PPFIA1: variants seen among roughly 807,000 people sequenced by gnomAD.
PPFIA1 encodes liprin-alpha-1.
Under a neutral mutation model 149.9 loss-of-function variants are expected in PPFIA1, and 25 were observed. The observed-to-expected ratio is 0.17, with a 90% CI of 0.12 to 0.23. The LOEUF (loss-of-function observed/expected upper bound fraction) is 0.23. Ranked by LOEUF, PPFIA1 falls within the 10% of genes least tolerant of loss-of-function variation. PPFIA1 has a pLI of 1.00. For missense variants in PPFIA1, 1,362 were observed against 1,506.5 expected, an observed-to-expected ratio of 0.90 and a Z score of 1.59; for synonymous variants, 549 against 552.8, an observed-to-expected ratio of 0.99 and a Z score of 0.10.
chr11:70,337,607 T>C (rs1591266478), intron 12 of PPFIA1, among the ~76,000 whole-genome samples, 180 bp downstream of exon 12: 1 of 152,182 alleles, frequency 6.6e-6, no homozygotes, highest in Non-Finnish European at 1.5e-5. Flanking sequence ...TCAGGTGATT[T>C]TGAGTCTGGC....
intron 26 of PPFIA1, among the ~76,000 whole-genome samples, chr11:70,379,375 T>C (rs912285771): frequency 2.0e-5 from 3 of 152,044 alleles, no homozygotes; most frequent in African/African-American, 4.8e-5. Context: ...CAAGAATCAT[T>C]TGGACCTGGG....
intron 6 of PPFIA1, 52 bp downstream of exon 6, chr11:70,326,415 A>G: frequency 6.7e-7 from 1 of 1,484,412 alleles, no homozygotes; most frequent in Non-Finnish European, 9.3e-7. Context: ...TGTTCACAGT[A>G]TGTGTCGGGT....
intron 2 of PPFIA1, among the ~76,000 whole-genome samples, chr11:70,287,474 T>C (rs1220254588): frequency 1.3e-5 from 2 of 151,990 alleles, no homozygotes; most frequent in Admixed American, 6.6e-5. Flanking sequence ...CATATTCTGA[T>C]GCAGTGGTTT....
rs751244823 is a variant in PPFIA1, at chr11:70,382,069, C to T, written c.3551-19C>T. 1.2e-6 allele frequency: 2 copies of T among 1,613,494 alleles called. No homozygotes were observed. The highest frequency in any genetic ancestry group is 1.7e-6 in the Non-Finnish European group (2 of 1,179,622). On this transcript the variant is annotated intron_variant, in intron 26 of 27. Coordinates refer to ENST00000253925, the MANE Select transcript of PPFIA1 (RefSeq NM_003626.5). The stretch of plus-strand genomic sequence containing the variant: ...TGCACGCTGTGTTTGCACGCTTCCT[C>T]TCGTGGCTGTTGAAACAGGCAATGT...
intron 2 of PPFIA1, among the ~76,000 whole-genome samples, chr11:70,305,927 C>T (rs2136426819): frequency 6.6e-6 from 1 of 152,282 alleles, no homozygotes; most frequent in South Asian, 2.1e-4. Flanking sequence ...GTATTTTAAT[C>T]TACCCCTTAT....
chr11:70,372,479 A>G lies in PPFIA1; in HGVS notation c.3044A>G (p.Asn1015Ser). ...CATCTCTCTTTTCTTCCAAATAGAAACAGTTTCCAGTGTGGAATTATGTGC... is the reference window on the plus strand; with the variant it reads ...CATCTCTCTTTTCTTCCAAATAGAAGCAGTTTCCAGTGTGGAATTATGTGC... The part of the protein sequence containing the change: ...QLKMVDSFHR[N>S]SFQCGIMCLR... The change falls in exon 23 of 28, where the codon AAC becomes AGC. Residue 1015 changes from asparagine to serine, a missense_variant and splice_region_variant. By Grantham distance (46) the Asn-to-Ser change is conservative (BLOSUM62 1). This residue lies in a region of PPFIA1 where 349 missense variants were observed against 373.3 expected (regional missense o/e 0.93). Transcript: ENST00000253925. 1 of 1,613,882 alleles carries G rather than the reference A, an allele frequency of 6.2e-7. No individual in the cohort carries two copies. Among genetic ancestry groups the G allele is most frequent in the Non-Finnish European group, 8.5e-7 (1 of 1,179,770 alleles).
intron 11 of PPFIA1, among the ~76,000 whole-genome samples, chr11:70,336,720 C>G (rs1296233895): frequency 6.6e-6 from 1 of 152,010 alleles, no homozygotes; most frequent in Admixed American, 6.6e-5. Context: ...AAGGGATATC[C>G]TAGAATCTGT....
At chr11:70,363,609 G>T (rs1276940221) in intron 21 of PPFIA1, among the ~76,000 whole-genome samples, 2 of 152,066 alleles carry the variant, frequency 1.3e-5, no homozygotes, top group African/African-American at 4.8e-5. Flanking sequence ...AACCTCTTGG[G>T]CTCAAGCGAT....
intron 2 of PPFIA1, among the ~76,000 whole-genome samples, chr11:70,299,834 G>A (rs1362414418): frequency 6.6e-6 from 1 of 152,142 alleles, no homozygotes; most frequent in South Asian, 2.1e-4. Context: ...TGTGGTCCAG[G>A]CTGTGCTTCT....
At position 70,382,094 on chromosome 11, in the gene PPFIA1, T is replaced by C. The variant is rs1265346914; in HGVS notation, c.3557T>C (p.Val1186Ala). The change falls in exon 27 of 28, where the codon GTA (valine) becomes GCA (alanine). Residue 1186 changes from valine to alanine, a missense_variant. Physicochemically the swap from Val to Ala is moderately conservative, Grantham distance 64. Around this residue, in one of 7 missense-constraint regions of PPFIA1, gnomAD observed 349 missense variants for 373.3 expected, o/e 0.93. Coordinates refer to ENST00000253925, the MANE Select transcript of PPFIA1 (RefSeq NM_003626.5). ...QPKKMQMDGN[V>A]SGTQRLDSAT... ...CTCGTGGCTGTTGAAACAGGCAATG[T>C]ATCAGGAACACAGAGGTTGGATTCT... 1 of 1,613,994 alleles carries C rather than the reference T, an allele frequency of 6.2e-7. No homozygotes were observed. Among genetic ancestry groups the C allele is most frequent in the African/African-American group, 1.3e-5 (1 of 74,932 alleles).
chr11:70,359,737 CACA>C (rs1565445413), intron 19 of PPFIA1, among the ~76,000 whole-genome samples: 2 of 152,100 alleles, frequency 1.3e-5, no homozygotes, highest in African/African-American at 4.8e-5. Context: ...TTATAAAATG[CACA>C]ACATTATTCA....
rs1036569431 is a variant in PPFIA1, at chr11:70,312,269, C to T, written c.265-12133C>T. On this transcript the variant is annotated intron_variant, in intron 2 of 27. Transcript: ENST00000253925. Reference sequence around the variant, plus strand: ...GCAGTAGTGTGATCATAGCTCACTGCAGCCTTGACTTCCTGGGCTCAAGTG... The same window carrying T: ...GCAGTAGTGTGATCATAGCTCACTGTAGCCTTGACTTCCTGGGCTCAAGTG... Among the ~76,000 whole-genome samples the T allele has an allele frequency of 2.6e-5, 4 of 151,920 alleles. No homozygotes were observed. In the East Asian group the frequency reaches 5.8e-4, roughly 22 times the overall value.
At chr11:70,320,857 A>G (rs760028298) in intron 2 of PPFIA1, among the ~76,000 whole-genome samples, 6 of 152,148 alleles carry the variant, frequency 3.9e-5, no homozygotes, top group Non-Finnish European at 8.8e-5. Context: ...AAGGCCTGGG[A>G]TGAGCCATGC....
chr11:70,358,405 T>TAG (rs2056460623), intron 19 of PPFIA1: 1 of 152,128 alleles, frequency 6.6e-6, no homozygotes, highest in Non-Finnish European at 1.5e-5. Flanking sequence ...GAATTTTTAG[T>TAG]AGAGATGGGG....
chr11:70,329,848 A>G (rs2054551032), intron 7 of PPFIA1: 1 of 236,302 alleles, frequency 4.2e-6, no homozygotes, highest in East Asian at 1.1e-4. Context: ...GGATCCCTTG[A>G]GCCTGGGAAG....
chr11:70,339,820 G>T (rs1344492671), intron 14 of PPFIA1, among the ~76,000 whole-genome samples: 1 of 152,112 alleles, frequency 6.6e-6, no homozygotes, highest in East Asian at 1.9e-4. Context: ...TTTGAGATCA[G>T]CCTGGTCAAC....
At chr11:70,374,030 G>A (rs1425211241) in intron 23 of PPFIA1, 1 of 152,302 alleles carries the variant, frequency 6.6e-6, no homozygotes, top group Non-Finnish European at 1.5e-5. Flanking sequence ...TATTTTTAGA[G>A]TGGCTATTTT....
rs1325359117 is a variant in PPFIA1, at chr11:70,332,084, C to T, written c.1202C>T (p.Ala401Val). The T allele has an allele frequency of 5.0e-6, 8 of 1,605,346 alleles. No individual in the cohort carries two copies. Among genetic ancestry groups the T allele is most frequent in the African/African-American group, 1.3e-5 (1 of 74,312 alleles). The change falls in exon 9 of 28, where the codon GCG becomes GTG. Residue 401 changes from alanine (A) to valine (V), a missense_variant. Physicochemically the swap from Ala to Val is moderately conservative, Grantham distance 64. Transcript: ENST00000253925. ...GCGGAGCTGGCCCAGAGGGTGGCAG[C>T]GCTTTCCAAGGTAGTGCCATGAGCT... ...VEAELAQRVA[A>V]LSKAEERHGN...
chr11:70,379,858 T>A (rs2057639784), intron 26 of PPFIA1, among the ~76,000 whole-genome samples: 1 of 152,212 alleles, frequency 6.6e-6, no homozygotes, highest in African/African-American at 2.4e-5. Context: ...TTTGATAATA[T>A]ACTCAAGGGG....
Sources: gnomAD v4.1 joint callset for allele counts (sites outside exome capture counted in the v4.1 genomes callset) on GRCh38, gnomAD v4.1.1 for gene constraint, gnomAD v4.1.1 regional missense constraint, MANE v1.5 for transcripts, NCBI Gene and HGNC (gene_info 2026-07-23, HGNC 2026-07-21) for gene names.